FASTKD1: variants seen among roughly 807,000 people sequenced by gnomAD.
FASTKD1 encodes the protein FAST kinase domains 1, also known as FAST kinase domain-containing protein 1, mitochondrial.
FASTKD1 carries 94 observed loss-of-function variants against 90.9 expected under a neutral mutation model. The ratio of observed to expected loss-of-function variants is 1.03; its 90% confidence interval spans 0.88 to 1.23. The LOEUF (loss-of-function observed/expected upper bound fraction) is 1.23, where lower values mean the gene tolerates loss of function less well. Among genes scored for constraint, FASTKD1 ranks in the 50% most tolerant of loss-of-function variants. The pLI is 0.00. For missense variants in FASTKD1, 945 were observed against 993.5 expected (o/e 0.95, Z 0.66); for synonymous variants, 319 against 345.8 (o/e 0.92, Z 0.86).
At chr2:169,556,472 G>C (rs1445719732) in intron 6 of FASTKD1, among the ~76,000 whole-genome samples, 1 of 150,206 alleles carries the variant, frequency 6.7e-6, no homozygotes, top group African/African-American at 2.4e-5. Context: ...GCCAGGCACA[G>C]TGGCTCAACA....
At chr2:169,568,786 G>C (rs1211120547) in intron 3 of FASTKD1, among the ~76,000 whole-genome samples, 2 of 151,806 alleles carry the variant, frequency 1.3e-5, no homozygotes, top group African/African-American at 4.8e-5. Context: ...GGATCACGAG[G>C]TCAGGAGTTC....
chr2:169,533,391 A>G (rs1459662292), intron 12 of FASTKD1, among the ~76,000 whole-genome samples: 1 of 152,178 alleles, frequency 6.6e-6, no homozygotes, highest in Non-Finnish European at 1.5e-5. Flanking sequence ...AATATATAGA[A>G]TTCATTAAGA....
intron 7 of FASTKD1, among the ~76,000 whole-genome samples, chr2:169,548,429 A>AAG (rs1553536928): frequency 6.6e-6 from 1 of 151,432 alleles, no homozygotes; most frequent in Non-Finnish European, 1.5e-5. Context: ...TTAAAAAAAA[A>AAG]AAAAAAAATT....
intron 12 of FASTKD1, among the ~76,000 whole-genome samples, chr2:169,534,498 C>T (rs1339239132): frequency 7.3e-6 from 1 of 136,988 alleles, no homozygotes; most frequent in African/African-American, 2.7e-5. Flanking sequence ...GTCTCACTGT[C>T]GCTCAGGTTG....
At chr2:169,554,466 C>A (rs1184934812) in intron 7 of FASTKD1, among the ~76,000 whole-genome samples, 1 of 151,590 alleles carries the variant, frequency 6.6e-6, no homozygotes, top group Non-Finnish European at 1.5e-5. Flanking sequence ...GAGTTCGAAA[C>A]CAGCCTGACC....
chr2:169,571,860 T>C lies in FASTKD1; in HGVS notation c.170A>G (p.Glu57Gly). Reference protein sequence around the residue: ...TDEEQMFGFIERNKAILSEKQ... With the variant: ...TDEEQMFGFIGRNKAILSEKQ... Reference sequence around the variant, plus strand: ...TTCTGAAAGTATGGCTTTGTTTCTTTCAATAAAACCAAACATTTGCTCCTC... The same window carrying C: ...TTCTGAAAGTATGGCTTTGTTTCTTCCAATAAAACCAAACATTTGCTCCTC... Residue 57 changes from glutamate to glycine, a missense_variant, in exon 2 of 15, where the codon GAA becomes GGA. Transcript: ENST00000453153. 6.2e-7 allele frequency: 1 copy of C among 1,614,104 alleles called. No individual in the cohort carries two copies. The highest frequency in any genetic ancestry group is 8.5e-7 in the Non-Finnish European group (1 of 1,179,996).
chr2:169,557,226 A>T lies in FASTKD1; in HGVS notation c.1043T>A (p.Met348Lys). 1 of 1,612,810 alleles carries T rather than the reference A, an allele frequency of 6.2e-7. No individual in the cohort carries two copies. The highest frequency in any genetic ancestry group is 8.5e-7 in the Non-Finnish European group (1 of 1,179,218). Residue 348 changes from methionine (M) to lysine (K), a missense_variant, in exon 6 of 15, where the codon ATG becomes AAG. Transcript: ENST00000453153. ...TGAGTTTCTGCTTTCCATATCTCCC[A>T]TTGCTCCCAACACTGCCAGGGCTTG... The part of the protein sequence containing the change: ...GEQALAVLGA[M>K]GDMESRNSCL...
chr2:169,546,806 AT>A (rs1247268064), intron 7 of FASTKD1, 102 bp from the exon 8 acceptor site: 2 of 1,198,118 alleles, frequency 1.7e-6, no homozygotes, highest in Admixed American at 5.1e-5. Flanking sequence ...TAAGATGATG[AT>A]TCAAAAAAAC....
chr2:169,570,893 C>T (rs1171596091), intron 2 of FASTKD1: 1 of 152,118 alleles, frequency 6.6e-6, no homozygotes, highest in Non-Finnish European at 1.5e-5. Flanking sequence ...CCAGGCTGGT[C>T]TTGAACTCCT....
chr2:169,560,355 A>G (rs771814439), intron 5 of FASTKD1, 32 bp downstream of exon 5: 5 of 1,499,484 alleles, frequency 3.3e-6, no homozygotes, highest in African/African-American at 1.4e-5. Flanking sequence ...TATTCACAAC[A>G]AAAAAAGTAA....
chr2:169,553,295 T>A (rs1451840377), intron 7 of FASTKD1, among the ~76,000 whole-genome samples: 2 of 60,326 alleles, frequency 3.3e-5, no homozygotes, highest in African/African-American at 6.0e-5. Flanking sequence ...AAAAACCCAC[T>A]GTGCAGACAT....
intron 5 of FASTKD1, among the ~76,000 whole-genome samples, chr2:169,558,173 T>G (rs1478570836): frequency 6.6e-6 from 1 of 152,262 alleles, no homozygotes; most frequent in Non-Finnish European, 1.5e-5. Context: ...CAGACTCAGT[T>G]AAACCCAACT....
chr2:169,558,162 A>T (rs1287563535), intron 5 of FASTKD1, among the ~76,000 whole-genome samples: 2 of 152,250 alleles, frequency 1.3e-5, no homozygotes, highest in African/African-American at 4.8e-5. Context: ...TTCCTTGAAG[A>T]CAGACTCAGT....
At chr2:169,534,499 G>A (rs1189356348) in intron 12 of FASTKD1, among the ~76,000 whole-genome samples, 6 of 134,614 alleles carry the variant, frequency 4.5e-5, no homozygotes, top group African/African-American at 1.1e-4. Flanking sequence ...TCTCACTGTC[G>A]CTCAGGTTGG....
chr2:169,532,222 C>A (rs549015604), intron 12 of FASTKD1, among the ~76,000 whole-genome samples: 17 of 152,148 alleles, frequency 1.1e-4, no homozygotes, highest in African/African-American at 3.9e-4. Context: ...GAGTTCCAGA[C>A]CAGCCTGGGC....
At chr2:169,558,079 G>T (rs1365168640) in intron 5 of FASTKD1, among the ~76,000 whole-genome samples, 1 of 152,020 alleles carries the variant, frequency 6.6e-6, no homozygotes, top group Non-Finnish European at 1.5e-5. Context: ...TAATTTTATT[G>T]TTTCTTCATA....
At chr2:169,565,688 C>A (rs1449499146) in intron 3 of FASTKD1, among the ~76,000 whole-genome samples, 1 of 152,172 alleles carries the variant, frequency 6.6e-6, no homozygotes, top group African/African-American at 2.4e-5. Context: ...GATTTCCTGT[C>A]TTTTGGGTAT....
At chr2:169,565,558 A>G (rs1024615449) in intron 3 of FASTKD1, among the ~76,000 whole-genome samples, 25 of 152,266 alleles carry the variant, frequency 1.6e-4, no homozygotes, top group African/African-American at 4.8e-4. Context: ...CACCGCGCCC[A>G]GCCACCACAT....
chr2:169,559,820 C>T lies in FASTKD1; in HGVS notation c.971+567G>A, dbSNP rs13424185. Among the ~76,000 whole-genome samples the T allele has an allele frequency of 4.7e-3, 722 of 152,254 alleles. 8 individuals are homozygous for T. Among genetic ancestry groups the T allele is most frequent in the African/African-American group, 0.016 (684 of 41,542 alleles). On this transcript the variant is annotated intron_variant, in intron 5 of 14. Transcript: ENST00000453153. ...GGAAGAGAAACTCTTATCTATTAAC[C>T]GTATTTGTATGTTAATTTAATATTT...
Sources: allele counts gnomAD v4.1 joint callset (sites outside exome capture counted in the v4.1 genomes callset), GRCh38; gene constraint gnomAD v4.1.1; transcripts MANE v1.5; gene names NCBI Gene and HGNC (gene_info 2026-07-23, HGNC 2026-07-21).